The following WDR90 variants were observed in gnomAD, a reference collection of about 807,000 sequenced individuals.
WDR90 encodes WD repeat domain 90, also known as WD repeat-containing protein 90.
In WDR90, 238 loss-of-function variants were observed where a neutral mutation model predicts 195.2. That is an observed-to-expected ratio of 1.22 (90% CI 1.10 to 1.36). The LOEUF is 1.36. Among genes scored for constraint, WDR90 ranks in the 40% most tolerant of loss-of-function variants. WDR90 has a pLI of 0.00. For synonymous variants in WDR90, 1,265 were observed against 1,052.4 expected (o/e 1.20, Z -3.91); for missense variants, 2,734 against 2,439.5 (o/e 1.12, Z -2.54).
rs756900777 is a variant in WDR90, at chr16:660,134, G to C, written c.3261G>C (p.Arg1087Ser). Residue 1087 changes from arginine (R) to serine (S), a missense_variant, in exon 27 of 41, where the codon AGG becomes AGC. Physicochemically the swap from Arg to Ser is moderately radical, Grantham distance 110 (BLOSUM62 -1). Coordinates refer to ENST00000293879, the MANE Select transcript of WDR90 (RefSeq NM_145294.5). ...CCTGCAAGGCCTTCACGCCTGCCAG[G>C]GTCAGCTGCAGCCCCCACTCTGCCA... is the stretch of plus-strand genomic sequence containing the variant. Reference protein sequence around the residue: ...LASCKAFTPARVSCSPHSAKG... With the variant: ...LASCKAFTPASVSCSPHSAKG... 1.2e-5 allele frequency: 19 copies of C among 1,538,702 alleles called. No individual in the cohort carries two copies. Among genetic ancestry groups the C allele is most frequent in the Non-Finnish European group, 1.4e-5 (16 of 1,139,222 alleles).
At position 655,485 on chromosome 16, in the gene WDR90, C is replaced by T; in HGVS notation, c.1718+17C>T. 6.5e-7 allele frequency: 1 copy of T among 1,527,346 alleles called. No homozygotes were observed. Among genetic ancestry groups the T allele is most frequent in the Non-Finnish European group, 8.8e-7 (1 of 1,137,058 alleles). 94.6% of individuals were successfully genotyped at this position (1,527,346 alleles called of 1,614,324 possible). On this transcript the variant is annotated intron_variant, in intron 15 of 40. Coordinates refer to ENST00000293879, the MANE Select transcript of WDR90 (RefSeq NM_145294.5). ...TGCCATGCTGTGAGTCCCTGCCCTT[C>T]CCCACGGCCTGCCCCGGCATGGGGG...
Position 659,077 on chromosome 16 carries a change from C to T in WDR90, c.3012-9C>T. On this transcript the variant is annotated splice_polypyrimidine_tract_variant and intron_variant, in intron 24 of 40. Coordinates refer to ENST00000293879, the MANE Select transcript of WDR90 (RefSeq NM_145294.5). ...GGCCCTCCTGAAACCCTCTCTCCTCCCTCTCCAGCGACCAAAGCTTCCCCG... is the reference window on the plus strand; with the variant it reads ...GGCCCTCCTGAAACCCTCTCTCCTCTCTCTCCAGCGACCAAAGCTTCCCCG... 1.2e-6 allele frequency: 2 copies of T among 1,613,178 alleles called. No homozygotes were observed. Among genetic ancestry groups the T allele is most frequent in the South Asian group, 1.1e-5 (1 of 91,080 alleles).
chr16:649,950 C>T (rs544411406), intron 2 of WDR90, 41 bp from the exon 3 acceptor site: 10 of 1,609,384 alleles, frequency 6.2e-6, no homozygotes, highest in African/African-American at 1.3e-5. Context: ...CGCTGCACTT[C>T]TTCTGGGTGC....
Position 661,015 on chromosome 16 carries a change from C to G in WDR90, c.3392-36C>G, listed in dbSNP as rs1295978067. 1.2e-3 allele frequency: 569 copies of G among 478,970 alleles called. 8 individuals are homozygous for G. Among genetic ancestry groups the G allele is most frequent in the Middle Eastern group, 1.5e-3 (2 of 1,334 alleles). The allele number at this position is 478,970 out of a possible 1,614,324, so 29.7% of individuals were successfully genotyped here. A position where few individuals can be genotyped will look rare whatever the true frequency, so the allele number is the denominator to read the frequency against. ...GCCCCTCCCCGCCCCCCCCCCCCCCCGGCCCGGCCTCAGGCCCCGCCCTCT... is the reference window on the plus strand; with the variant it reads ...GCCCCTCCCCGCCCCCCCCCCCCCCGGGCCCGGCCTCAGGCCCCGCCCTCT... On this transcript the variant is annotated intron_variant, in intron 28 of 40. Coordinates refer to ENST00000293879, the MANE Select transcript of WDR90 (RefSeq NM_145294.5).
intron 14 of WDR90, 27 bp downstream of exon 14, chr16:655,174 T>A (rs1419128575): frequency 6.2e-7 from 1 of 1,612,382 alleles, no homozygotes; most frequent in Admixed American, 1.7e-5. Context: ...TCCACGATGT[T>A]GGGAGAGGGT....
chr16:654,824 C>T, intron 13 of WDR90: 1 of 590,482 alleles, frequency 1.7e-6, no homozygotes, highest in East Asian at 2.8e-5. Flanking sequence ...CAGTGCTCAG[C>T]ATTGCGGGTC....
chr16:655,241 C>G, intron 14 of WDR90, 66 bp from the exon 15 acceptor site: 3 of 1,611,928 alleles, frequency 1.9e-6, no homozygotes, highest in Non-Finnish European at 2.5e-6. Context: ...GGCTGTGCGT[C>G]TCTGCGTCTC....
Position 657,071 on chromosome 16 carries a change from G to A in WDR90, c.2343-20G>A. On this transcript the variant is annotated intron_variant, in intron 19 of 40. Transcript: ENST00000293879. ...TGGGCTTCGGGGCTAGGGCCAGCGG[G>A]GTCCCTGTGTGTGCTGCAGGTGCCA... is the stretch of plus-strand genomic sequence containing the variant. 1.3e-6 allele frequency: 2 copies of A among 1,595,678 alleles called. No individual in the cohort carries two copies. Among genetic ancestry groups the A allele is most frequent in the Middle Eastern group, 1.8e-4 (1 of 5,628 alleles).
rs1567215190 is a variant in WDR90, at chr16:653,507, C to A, written c.1234-18C>A. 2 of 1,612,878 alleles carry A rather than the reference C, an allele frequency of 1.2e-6. No individual in the cohort carries two copies. Among genetic ancestry groups the A allele is most frequent in the Non-Finnish European group, 1.7e-6 (2 of 1,179,534 alleles). On this transcript the variant is annotated intron_variant, in intron 11 of 40. Coordinates refer to ENST00000293879, the MANE Select transcript of WDR90 (RefSeq NM_145294.5). Reference sequence around the variant, plus strand: ...CACCTGCAGCCCCTACACCCTCCCTCACCCTTCTGCCTCCTAGGTCTCCGC... The same window carrying A: ...CACCTGCAGCCCCTACACCCTCCCTAACCCTTCTGCCTCCTAGGTCTCCGC...
intron 35 of WDR90, 56 bp downstream of exon 35, chr16:665,857 C>T (rs1398273683): frequency 6.4e-7 from 1 of 1,551,120 alleles, no homozygotes. Flanking sequence ...AGTGGGGGGC[C>T]TGGCATGGGC....
Position 658,892 on chromosome 16 carries a change from CT to C in WDR90, c.2896-3del. 1 of 1,611,518 alleles carries C rather than the reference CT, an allele frequency of 6.2e-7. No homozygotes were observed. Among genetic ancestry groups the C allele is most frequent in the Non-Finnish European group, 8.5e-7 (1 of 1,179,920 alleles). On this transcript the variant is annotated splice_polypyrimidine_tract_variant and splice_region_variant and intron_variant, in intron 23 of 40. Transcript: ENST00000293879. ...GGTCCTGCATGTGACGCCGCTACCC[CT>C]AGGTGTACATCGGCCACTCGGAACC...
intron 20 of WDR90, 121 bp downstream of exon 20, chr16:657,342 G>A: frequency 7.2e-7 from 1 of 1,390,560 alleles, no homozygotes; most frequent in Non-Finnish European, 9.5e-7. Flanking sequence ...TCCTGTGGGG[G>A]GGCGTGGCCG....
rs2037906037 is a variant in WDR90 at position 661,230 on chromosome 16, G to A, written c.3513+58G>A. ...GGGCCACCGTGCCCGGCAGAACCCA[G>A]CTCCCGGACCGGTGCGGGTTCTCAC... On this transcript the variant is annotated intron_variant, in intron 29 of 40. Transcript: ENST00000293879. 3.3e-6 allele frequency: 5 copies of A among 1,518,496 alleles called. No individual in the cohort carries two copies. In the South Asian group the frequency reaches 5.0e-5, roughly 15 times the overall value. The allele number at this position is 1,518,496 out of a possible 1,614,324, so 94.1% of individuals were successfully genotyped here. A position where few individuals can be genotyped will look rare whatever the true frequency, so the allele number is the denominator to read the frequency against.
chr16:659,344 G>C lies in WDR90; in HGVS notation c.3152G>C (p.Gly1051Ala), dbSNP rs1281741905. 6.3e-7 allele frequency: 1 copy of C among 1,594,530 alleles called. No homozygotes were observed. The highest frequency in any genetic ancestry group is 8.5e-7 in the Non-Finnish European group (1 of 1,171,644). ...TGTCAGGCATCTCCACCACGGCTGG[G>C]CGTCTGTGCCAGGCCTCCCGAAGGT... ...KPCQASPPRLGVCARPPEGGD... is the reference protein window; with the variant it reads ...KPCQASPPRLAVCARPPEGGD... The change falls in exon 26 of 41, where the codon GGC (glycine) becomes GCC (alanine). Residue 1051 changes from glycine to alanine, a missense_variant. Physicochemically the swap from Gly to Ala is moderately conservative, Grantham distance 60 (BLOSUM62 0). Coordinates refer to ENST00000293879, the MANE Select transcript of WDR90 (RefSeq NM_145294.5).
rs1883039065 is a variant in WDR90, at chr16:662,861, C to T, written c.4311+17C>T. On this transcript the variant is annotated intron_variant, in intron 34 of 40. Transcript: ENST00000293879. The stretch of plus-strand genomic sequence containing the variant: ...AGGAGCAAGGTGAGGGACTTCCAGC[C>T]TGGGCAGAGGCGGGGCAGCCGAACC... 6.5e-7 allele frequency: 1 copy of T among 1,544,692 alleles called. No individual in the cohort carries two copies. Among genetic ancestry groups the T allele is most frequent in the African/African-American group, 1.4e-5 (1 of 73,214 alleles).
chr16:665,727 A>G lies in WDR90; in HGVS notation c.4360A>G (p.Ser1454Gly). The change falls in exon 35 of 41, where the codon AGT becomes GGT. Residue 1454 changes from serine (S) to glycine (G), a missense_variant. Transcript: ENST00000293879. ...CGGGGAGTCCCACTGCGCCACATGC[A>G]GTGAGGATGGGAGTGTGCGGGTGTG... ...SPGESHCATC[S>G]EDGSVRVWAL... The G allele has an allele frequency of 6.2e-7, 1 of 1,611,986 alleles. No homozygotes were observed. Among genetic ancestry groups the G allele is most frequent in the Non-Finnish European group, 8.5e-7 (1 of 1,179,688 alleles).
chr16:658,266 T>A lies in WDR90; in HGVS notation c.2688T>A (p.Ala896=), dbSNP rs751210671. ...TGGCTGTGTGCTTTGGCCCTGCAGC[T>A]CTGGGCCACCTGCTGGTGTCCACCT... ...SAMAVCFGPA[A]LGHLLVSTSS... The change falls in exon 22 of 41, where the codon GCT becomes GCA. Residue 896 remains alanine, a synonymous_variant. Transcript: ENST00000293879. 6.2e-7 allele frequency: 1 copy of A among 1,612,600 alleles called. No homozygotes were observed. Among genetic ancestry groups the A allele is most frequent in the Non-Finnish European group, 8.5e-7 (1 of 1,179,868 alleles).
At chr16:652,559 A>G (rs764797628) in intron 10 of WDR90, 24 bp downstream of exon 10, 22 of 1,586,306 alleles carry the variant, frequency 1.4e-5, no homozygotes, top group African/African-American at 2.7e-5. Flanking sequence ...GGCTGTGTCC[A>G]GAGCAGCTCT....
intron 13 of WDR90, chr16:654,073 C>T (rs1416577007): frequency 1.0e-5 from 5 of 496,566 alleles, no homozygotes; most frequent in Middle Eastern, 5.1e-4. Flanking sequence ...CTCGTTCTCT[C>T]TGCTGGTGAT....
Sources: allele counts gnomAD v4.1 joint callset, GRCh38; gene constraint gnomAD v4.1.1; transcripts MANE v1.5; gene names NCBI Gene and HGNC (gene_info 2026-07-23, HGNC 2026-07-21).